The following SYBU variants were observed in gnomAD, a reference collection of about 807,000 sequenced individuals.
The protein encoded by SYBU is syntabulin.
Under a neutral mutation model 35.9 loss-of-function variants are expected in SYBU, and 21 were observed. The observed-to-expected ratio is 0.58, with a 90% CI of 0.41 to 0.84. The LOEUF is 0.84. Ranked by LOEUF, SYBU falls within the 40% of genes least tolerant of loss-of-function variation. The probability of loss-of-function intolerance (pLI) is 0.00; values close to 1 mark genes in which losing one functional copy is unlikely to be tolerated. For missense variants in SYBU, 768 were observed against 848.2 expected, an observed-to-expected ratio of 0.91 and a Z score of 1.17; for synonymous variants, 319 against 324.3, an observed-to-expected ratio of 0.98 and a Z score of 0.18.
intron 1 of SYBU, among the ~76,000 whole-genome samples, chr8:109,677,497 A>G (rs1012456403): frequency 2.0e-5 from 3 of 152,212 alleles, no homozygotes; most frequent in African/African-American, 7.2e-5. Flanking sequence ...CTCTTTGAAA[A>G]ACAACAGATG....
chr8:109,576,041 TTAAAA>T (rs1822256223), intron 6 of SYBU, 28 bp from the exon 7 acceptor site: 3 of 754,102 alleles, frequency 4.0e-6, no homozygotes, highest in African/African-American at 2.9e-5. Flanking sequence ...GCATGGTTAA[TTAAAA>T]AAAAAAAAAA....
At chr8:109,684,716 C>G (rs1304852646), upstream of SYBU, among the ~76,000 whole-genome samples, 2 of 152,214 alleles carry the variant, frequency 1.3e-5, no homozygotes, top group African/African-American at 2.4e-5. Context: ...GGAGTCCCCA[C>G]AAAACCTTTC....
chr8:109,608,742 G>A (rs904327296), intron 3 of SYBU, among the ~76,000 whole-genome samples: 6 of 152,136 alleles, frequency 3.9e-5, no homozygotes, highest in East Asian at 1.9e-4. Context: ...TGTGCTATTC[G>A]TAAACTTTTC....
At chr8:109,624,930 C>T (rs1812820881) in intron 2 of SYBU, among the ~76,000 whole-genome samples, 1 of 152,070 alleles carries the variant, frequency 6.6e-6, no homozygotes, top group Non-Finnish European at 1.5e-5. Flanking sequence ...CAGTGGCCAT[C>T]TAGCCAATGA....
intron 1 of SYBU, among the ~76,000 whole-genome samples, chr8:109,661,707 G>A (rs576035217): frequency 6.6e-6 from 1 of 152,262 alleles, no homozygotes; most frequent in South Asian, 2.1e-4. Context: ...AAACAATGGA[G>A]AATAAGCCAC....
At chr8:109,667,443 C>A (rs1237953927) in intron 1 of SYBU, among the ~76,000 whole-genome samples, 1 of 151,754 alleles carries the variant, frequency 6.6e-6, no homozygotes, top group Non-Finnish European at 1.5e-5. Context: ...TGACTGTACT[C>A]CCTAGAAATA....
In SYBU at chr8:109,582,110, C is replaced by T. The variant is rs1227959374; in HGVS notation, c.531-2108G>A. Among the ~76,000 whole-genome samples, 4 of 152,248 alleles carry T rather than the reference C, an allele frequency of 2.6e-5. No homozygotes were observed. The East Asian group carries it at 7.7e-4, about 29-fold the overall frequency. ...GAAATATGGAAGATTAGCTATTACA[C>T]CTTAGGCAGGAATGTAAAGAGCTAT... is the stretch of plus-strand genomic sequence containing the variant. On this transcript the variant is annotated intron_variant, in intron 4 of 6. Transcript: ENST00000276646.
At chr8:109,587,319 T>C (rs957842983) in intron 3 of SYBU, among the ~76,000 whole-genome samples, 2 of 152,212 alleles carry the variant, frequency 1.3e-5, no homozygotes, top group African/African-American at 4.8e-5. Context: ...CACGATACTT[T>C]CTATGCTATA....
At chr8:109,639,588 G>A (rs931285486) in intron 2 of SYBU, among the ~76,000 whole-genome samples, 16 of 152,292 alleles carry the variant, frequency 1.1e-4, no homozygotes, top group Non-Finnish European at 2.2e-4. Context: ...TAATACAGGA[G>A]GATTACTGGA....
chr8:109,624,082 G>A (rs1454559358), intron 2 of SYBU, among the ~76,000 whole-genome samples: 1 of 152,060 alleles, frequency 6.6e-6, no homozygotes, highest in Non-Finnish European at 1.5e-5. Context: ...CCAACACAAA[G>A]GAGGCCCCAT....
chr8:109,608,311 G>C (rs749281533), intron 3 of SYBU, among the ~76,000 whole-genome samples: 2 of 152,168 alleles, frequency 1.3e-5, no homozygotes, highest in African/African-American at 2.4e-5. Context: ...AAAACGTATA[G>C]AATCTTTCCA....
intron 2 of SYBU, among the ~76,000 whole-genome samples, chr8:109,627,044 GA>G (rs1225195721): frequency 2.2e-5 from 3 of 137,640 alleles, no homozygotes; most frequent in Non-Finnish European, 4.5e-5. Flanking sequence ...AACAATTCCA[GA>G]AGACACTTAA....
chr8:109,620,923 C>T (rs1812336460), intron 2 of SYBU, among the ~76,000 whole-genome samples: 1 of 152,168 alleles, frequency 6.6e-6, no homozygotes, highest in African/African-American at 2.4e-5. Context: ...CACAACAGGT[C>T]TGCACAATGC....
Position 109,575,781 on chromosome 8 carries a change from GGA to G in SYBU, c.1115_1116del (p.Leu372ProfsTer23), listed in dbSNP as rs1314736087. 2 of 1,614,134 alleles carry G rather than the reference GGA, an allele frequency of 1.2e-6. No homozygotes were observed. Among genetic ancestry groups the G allele is most frequent in the Non-Finnish European group, 1.7e-6 (2 of 1,180,014 alleles). The stretch of plus-strand genomic sequence containing the variant: ...CTGTGTGCCATCTCCATGCTCTGAA[GGA>G]GAGACTCCAGCTTCTTGTTTTGGAT... ...INIQNKKLES[L>X]LQSMEMAHSG... On this transcript the variant is annotated frameshift_variant, in exon 7 of 7. Transcript: ENST00000276646. LOFTEE classifies it low-confidence loss of function (END_TRUNC).
intron 1 of SYBU, among the ~76,000 whole-genome samples, chr8:109,662,778 C>T (rs117730983): frequency 1.3e-5 from 2 of 152,284 alleles, no homozygotes; most frequent in East Asian, 3.9e-4. Flanking sequence ...TTCTGTTGCA[C>T]TTTTCTGAAC....
intron 3 of SYBU, among the ~76,000 whole-genome samples, chr8:109,592,368 T>A (rs1824383464): frequency 6.6e-6 from 1 of 152,178 alleles, no homozygotes; most frequent in South Asian, 2.1e-4. Context: ...TAAAAGAGAC[T>A]CCCCATGGAC....
chr8:109,670,599 A>T (rs959145212), intron 1 of SYBU, among the ~76,000 whole-genome samples: 3 of 152,106 alleles, frequency 2.0e-5, no homozygotes, highest in African/African-American at 7.2e-5. Context: ...GTAATAATTT[A>T]TGTTTTTGTG....
At chr8:109,642,473 A>C (rs2130641211) in intron 2 of SYBU, among the ~76,000 whole-genome samples, 1 of 152,356 alleles carries the variant, frequency 6.6e-6, no homozygotes, top group African/African-American at 2.4e-5. Context: ...CATAGAAACA[A>C]GAAGTTAGAT....
At chr8:109,614,420 A>G (rs1811512382) in intron 3 of SYBU, among the ~76,000 whole-genome samples, 1 of 152,350 alleles carries the variant, frequency 6.6e-6, no homozygotes, top group South Asian at 2.1e-4. Flanking sequence ...TGGGAGCAGG[A>G]ACACCTCAGA....
Sources: gnomAD v4.1 joint callset for allele counts (sites outside exome capture counted in the v4.1 genomes callset) on GRCh38, gnomAD v4.1.1 for gene constraint, MANE v1.5 for transcripts, NCBI Gene and HGNC (gene_info 2026-07-23, HGNC 2026-07-21) for gene names.